The following NDST4 variants were observed in gnomAD, a reference collection of about 807,000 sequenced individuals.
NDST4 encodes N-deacetylase and N-sulfotransferase 4, also known as N-heparan sulfate sulfotransferase 4.
Under a neutral mutation model 100.8 loss-of-function variants are expected in NDST4, and 63 were observed. The observed-to-expected ratio is 0.62, with a 90% CI of 0.51 to 0.77. The LOEUF is 0.77. Ranked by LOEUF, NDST4 falls within the 30% of genes least tolerant of loss-of-function variation. The pLI, the probability that NDST4 is intolerant of heterozygous loss-of-function variation, is 0.00. For missense variants in NDST4, 943 were observed against 1,018.4 expected (o/e 0.93, Z 1.01); for synonymous variants, 377 against 361.8 (o/e 1.04, Z -0.48).
chr4:115,008,972 T>C (rs1441786833), intron 2 of NDST4, among the ~76,000 whole-genome samples: 1 of 127,038 alleles, frequency 7.9e-6, no homozygotes, highest in African/African-American at 3.0e-5. Context: ...GAATCCAACT[T>C]ACAAGGGACA....
At chr4:115,068,812 T>A (rs1371814114) in intron 2 of NDST4, among the ~76,000 whole-genome samples, 1 of 117,088 alleles carries the variant, frequency 8.5e-6, no homozygotes, top group Non-Finnish European at 1.6e-5. Flanking sequence ...CGAGGCTCCA[T>A]CTCAAAAAAA....
At chr4:115,065,148 C>A (rs897279667) in intron 2 of NDST4, among the ~76,000 whole-genome samples, 1 of 151,914 alleles carries the variant, frequency 6.6e-6, no homozygotes, top group Non-Finnish European at 1.5e-5. Context: ...GAGGACTTTC[C>A]TGATTTTCCC....
intron 7 of NDST4, among the ~76,000 whole-genome samples, chr4:114,866,924 TTACCC>T (rs1318720882): frequency 8.5e-5 from 13 of 152,092 alleles, no homozygotes; most frequent in Non-Finnish European, 1.6e-4. Flanking sequence ...AAGTGAGGAG[TTACCC>T]CTGAAATTTC....
intron 7 of NDST4, among the ~76,000 whole-genome samples, chr4:114,856,856 G>A (rs1033518507): frequency 6.6e-6 from 1 of 152,176 alleles, no homozygotes; most frequent in Admixed American, 6.5e-5. Flanking sequence ...GCTTTCAGGG[G>A]TCTGGACATC....
chr4:115,076,469 G>C lies in NDST4; in HGVS notation c.568C>G (p.Leu190Val). Residue 190 changes from leucine to valine, a missense_variant, in exon 2 of 14, where the codon CTA (leucine) becomes GTA (valine). Physicochemically the swap from Leu to Val is conservative, Grantham distance 32 (BLOSUM62 1). This residue lies in a region of NDST4 where 417 missense variants were observed against 384.2 expected (regional missense o/e 1.09). Coordinates refer to ENST00000264363, the MANE Select transcript of NDST4 (RefSeq NM_022569.3). The stretch of plus-strand genomic sequence containing the variant: ...TGAGGGTTAACAAAACAGTCCTTTA[G>C]AGCTAGATTATTGAAAAGGTTTAAC... ...FPLNLFNNLA[L>V]KDCFVNPQSP... 7 of 1,613,936 alleles carry C rather than the reference G, an allele frequency of 4.3e-6. No homozygotes were observed. The highest frequency in any genetic ancestry group is 5.9e-6 in the Non-Finnish European group (7 of 1,179,954).
chr4:114,833,219 A>G (rs768825162), intron 12 of NDST4, among the ~76,000 whole-genome samples: 3 of 152,230 alleles, frequency 2.0e-5, no homozygotes, highest in Non-Finnish European at 4.4e-5. Flanking sequence ...TCATTTCCCA[A>G]TTCTGTCCTA....
At chr4:115,094,927 A>T (rs1016606907) in intron 1 of NDST4, among the ~76,000 whole-genome samples, 2 of 152,158 alleles carry the variant, frequency 1.3e-5, no homozygotes, top group Non-Finnish European at 2.9e-5. Context: ...CCTGTTGTTT[A>T]AGGCACTCAG....
intron 2 of NDST4, among the ~76,000 whole-genome samples, chr4:114,984,795 T>C (rs1234244348): frequency 6.6e-6 from 1 of 152,102 alleles, no homozygotes; most frequent in Non-Finnish European, 1.5e-5. Context: ...TAAAATGGAG[T>C]TGGGATTCCA....
In NDST4 at chr4:115,026,903, G is replaced by A. The variant is rs76076696; in HGVS notation, c.978+49156C>T. 6.5e-3 allele frequency among the ~76,000 whole-genome samples: 995 copies of A among 152,208 alleles called. 7 individuals carry two copies. Among genetic ancestry groups the A allele is most frequent in the African/African-American group, 0.021 (858 of 41,530 alleles). On this transcript the variant is annotated intron_variant, in intron 2 of 13. Coordinates refer to ENST00000264363, the MANE Select transcript of NDST4 (RefSeq NM_022569.3). Reference sequence around the variant, plus strand: ...GATGAACCTTGAGAAAATCAAAGTAGAATCACGTAAAAGGCTACAACTTGC... The same window carrying A: ...GATGAACCTTGAGAAAATCAAAGTAAAATCACGTAAAAGGCTACAACTTGC...
intron 6 of NDST4, among the ~76,000 whole-genome samples, chr4:114,891,504 G>A (rs1035658659): frequency 5.9e-5 from 9 of 151,878 alleles, no homozygotes; most frequent in African/African-American, 1.9e-4. Flanking sequence ...CCTTGTTCTC[G>A]ATGCCCTGTC....
rs115964497 is a variant in NDST4 at position 115,069,213 on chromosome 4, G to A, written c.978+6846C>T. 3.5e-3 allele frequency among the ~76,000 whole-genome samples: 537 copies of A among 152,282 alleles called. 3 individuals are homozygous for A. Among genetic ancestry groups the A allele is most frequent in the African/African-American group, 0.012 (508 of 41,572 alleles). On this transcript the variant is annotated intron_variant, in intron 2 of 13. Transcript: ENST00000264363. ...AAGAAAAATAGGTCATGGTAGACATGAGATAGTCATAGTTGAAAACTATAT... is the reference window on the plus strand; with the variant it reads ...AAGAAAAATAGGTCATGGTAGACATAAGATAGTCATAGTTGAAAACTATAT...
intron 4 of NDST4, among the ~76,000 whole-genome samples, chr4:114,966,861 G>A (rs1457302212): frequency 6.6e-6 from 1 of 152,098 alleles, no homozygotes; most frequent in Non-Finnish European, 1.5e-5. Flanking sequence ...GTTGGCAAAT[G>A]AGTTGATGTA....
Position 114,879,055 on chromosome 4 carries a change from A to G in NDST4, c.1537-8105T>C, listed in dbSNP as rs371692035. On this transcript the variant is annotated intron_variant, in intron 6 of 13. Transcript: ENST00000264363. The stretch of plus-strand genomic sequence containing the variant: ...GTTTTATTTTATTTTTAATTGATAA[A>G]TAATAATTGTATATATTTATGAAGT... Among the ~76,000 whole-genome samples, 73 of 152,222 alleles carry G rather than the reference A, an allele frequency of 4.8e-4. 2 individuals are homozygous for G. In the South Asian group the frequency reaches 0.015, roughly 31 times the overall value.
rs557976457 is a variant in NDST4 at position 114,968,070 on chromosome 4, C to T, written c.1221+2360G>A. Among the ~76,000 whole-genome samples, 16 of 152,226 alleles carry T rather than the reference C, an allele frequency of 1.1e-4. No homozygotes were observed. In the South Asian group the frequency reaches 3.3e-3, roughly 32 times the overall value. Reference sequence around the variant, plus strand: ...AAACAGATAATCTGGTGCCTGAGTCCTTGATCTTAACTACTTTTTATGTTT... The same window carrying T: ...AAACAGATAATCTGGTGCCTGAGTCTTTGATCTTAACTACTTTTTATGTTT... On this transcript the variant is annotated intron_variant, in intron 4 of 13. Coordinates refer to ENST00000264363, the MANE Select transcript of NDST4 (RefSeq NM_022569.3).
At chr4:115,061,343 A>C (rs1388385178) in intron 2 of NDST4, among the ~76,000 whole-genome samples, 2 of 152,128 alleles carry the variant, frequency 1.3e-5, no homozygotes, top group Non-Finnish European at 2.9e-5. Context: ...CTGCAGCACT[A>C]TTTACAATAG....
At chr4:115,087,419 C>T (rs1394646213) in intron 1 of NDST4, among the ~76,000 whole-genome samples, 2 of 152,018 alleles carry the variant, frequency 1.3e-5, no homozygotes, top group Admixed American at 6.6e-5. Flanking sequence ...TCTCTTATTA[C>T]CAGCAAAAAC....
intron 2 of NDST4, among the ~76,000 whole-genome samples, chr4:115,027,045 G>A (rs969215414): frequency 6.6e-6 from 1 of 152,110 alleles, no homozygotes; most frequent in Admixed American, 6.6e-5. Flanking sequence ...AACCTGGCTG[G>A]TGGTTGAAGT....
At chr4:114,839,915 A>G (rs1358372269) in intron 10 of NDST4, among the ~76,000 whole-genome samples, 2 of 152,176 alleles carry the variant, frequency 1.3e-5, no homozygotes, top group Non-Finnish European at 2.9e-5. Flanking sequence ...CTTCATGGAT[A>G]TTATTAAGAC....
At chr4:114,917,966 A>G (rs751990041) in intron 6 of NDST4, among the ~76,000 whole-genome samples, 8 of 152,208 alleles carry the variant, frequency 5.3e-5, no homozygotes, top group Non-Finnish European at 1.2e-4. Flanking sequence ...GATTTATTAC[A>G]TTAAAAATAA....
Sources: allele counts gnomAD v4.1 joint callset (sites outside exome capture counted in the v4.1 genomes callset), GRCh38; gene constraint gnomAD v4.1.1; regional missense constraint gnomAD v4.1.1; transcripts MANE v1.5; gene names NCBI Gene and HGNC (gene_info 2026-07-23, HGNC 2026-07-21).